SLC25A28: variants seen among roughly 807,000 people sequenced by gnomAD.
The protein encoded by SLC25A28 is solute carrier family 25 member 28.
SLC25A28 carries 10 observed loss-of-function variants against 31.9 expected under a neutral mutation model. The observed-to-expected ratio is 0.31, with a 90% CI of 0.19 to 0.53. SLC25A28 has a LOEUF of 0.53. Ranked by LOEUF, SLC25A28 falls within the 20% of genes least tolerant of loss-of-function variation. The pLI is 0.95. For missense variants in SLC25A28, 256 were observed against 490.3 expected, an observed-to-expected ratio of 0.52 and a Z score of 4.51; for synonymous variants, 208 against 203.6, an observed-to-expected ratio of 1.02 and a Z score of -0.19.
chr10:99,615,982 C>T, intron 1 of SLC25A28: 2 of 985,400 alleles, frequency 2.0e-6, no homozygotes, highest in Non-Finnish European at 2.4e-6. Context: ...ACATCTAAAT[C>T]TAACTCAACA....
chr10:99,618,428 T>C, intron 1 of SLC25A28: 1 of 985,480 alleles, frequency 1.0e-6, no homozygotes, highest in South Asian at 4.7e-5. Context: ...CCCTGCACTC[T>C]ACTCACAGTC....
chr10:99,636,891 C>T, the SLC25A28 span, among the ~76,000 whole-genome samples: 8 of 152,006 alleles, frequency 5.3e-5, no homozygotes, highest in Admixed American at 1.3e-4. Context: ...ATCCTTTTGA[C>T]GCTATTCCAC....
chr10:99,635,899 G>A, the SLC25A28 span, among the ~76,000 whole-genome samples: 1 of 152,202 alleles, frequency 6.6e-6, no homozygotes, highest in African/African-American at 2.4e-5. Context: ...ATGGTAAAAG[G>A]CCTTGTCCAA....
In SLC25A28 at chr10:99,610,871, T is replaced by C; in HGVS notation, c.1073A>G (p.Glu358Gly). The change falls in exon 4 of 4, where the codon GAA becomes GGA. Residue 358 changes from glutamate (E) to glycine (G), a missense_variant. Transcript: ENST00000370495. ...ACTTCACTTGCCAGCCCTCCACTCT[T>C]CTTGCCTTTTAGTGATTAGGTATTT... ...FFKYLITKRQ[E>G]EWRAGK 1 of 1,614,030 alleles carries C rather than the reference T, an allele frequency of 6.2e-7. No individual in the cohort carries two copies.
the SLC25A28 span, among the ~76,000 whole-genome samples, chr10:99,650,926 T>C: frequency 6.6e-6 from 1 of 152,168 alleles, no homozygotes; most frequent in Non-Finnish European, 1.5e-5. Flanking sequence ...TAGGATTCCA[T>C]GTGGATTTCT....
chr10:99,625,166 C>CCTTAAAGGTGGCGTG (rs1554962277), upstream of SLC25A28, among the ~76,000 whole-genome samples: 211 of 148,298 alleles, frequency 1.4e-3, no homozygotes, highest in East Asian at 2.2e-3. Flanking sequence ...GGTGTTATAG[C>CCTTAAAGGTGGCGTG]TCATAAAGAT....
At chr10:99,624,305 A>T (rs2034845461), upstream of SLC25A28, among the ~76,000 whole-genome samples, 1 of 149,994 alleles carries the variant, frequency 6.7e-6, no homozygotes, top group Non-Finnish European at 1.5e-5. Flanking sequence ...ATCTTGCCCA[A>T]AATGGTCTTA....
rs1046900484 is a variant in SLC25A28, at chr10:99,613,344, T to C, written c.520+352A>G. On this transcript the variant is annotated intron_variant, in intron 2 of 3. Coordinates refer to ENST00000370495, the MANE Select transcript of SLC25A28 (RefSeq NM_031212.4). The surrounding 1 kb of genome is among the most constrained non-coding windows in gnomAD (Gnocchi z 4.9). ...TGGCTGGCTGGGTCGCCTCCAATCC[T>C]GCCCTAAGGAGCAGGACACCACCCA... 2.3e-5 allele frequency: 26 copies of C among 1,137,790 alleles called. No homozygotes were observed. The highest frequency in any genetic ancestry group is 2.8e-5 in the Non-Finnish European group (26 of 919,530). The allele number at this position is 1,137,790 out of a possible 1,614,324, so 70.5% of individuals were successfully genotyped here.
chr10:99,611,582 A>T lies in SLC25A28; in HGVS notation c.578-216T>A, dbSNP rs2034525826. Among the ~76,000 whole-genome samples the T allele has an allele frequency of 6.6e-6, 1 of 152,052 alleles. No homozygotes were observed. Reference sequence around the variant, plus strand: ...TAACGAGTCAAAAAACAATAAACCCACTTCCATCAGGACTTCTGTAAAGCC... The same window carrying T: ...TAACGAGTCAAAAAACAATAAACCCTCTTCCATCAGGACTTCTGTAAAGCC... On this transcript the variant is annotated intron_variant, in intron 3 of 3. Transcript: ENST00000370495. This position sits in a 1 kb window ranked among gnomAD's most constrained non-coding sequence, Gnocchi z 5.5.
At chr10:99,627,841 T>C in the SLC25A28 span, among the ~76,000 whole-genome samples, 1 of 150,156 alleles carries the variant, frequency 6.7e-6, no homozygotes, top group Non-Finnish European at 1.5e-5. Flanking sequence ...TTCAATTCTT[T>C]TTTGGACCTA....
the SLC25A28 span, among the ~76,000 whole-genome samples, chr10:99,642,427 C>G: frequency 4.6e-5 from 7 of 152,240 alleles, no homozygotes; most frequent in South Asian, 8.3e-4. Context: ...TGTATCCTGA[C>G]ACTTTGCTGA....
In SLC25A28 at chr10:99,618,988, G is replaced by A. The variant is rs978792029; in HGVS notation, c.291+1057C>T. 13 of 985,412 alleles carry A rather than the reference G, an allele frequency of 1.3e-5. No homozygotes were observed. The Admixed American group carries it at 4.3e-4, about 33-fold the overall frequency. 61.0% of individuals were successfully genotyped at this position (985,412 alleles called of 1,614,324 possible). On this transcript the variant is annotated intron_variant, in intron 1 of 3. Transcript: ENST00000370495. ...ACATGTAAAGGAGGCATCGGTCTTT[G>A]TCATATCAACAGTCCCCTCTAGTTT...
the SLC25A28 span, among the ~76,000 whole-genome samples, chr10:99,634,570 A>C: frequency 6.6e-6 from 1 of 152,226 alleles, no homozygotes; most frequent in Non-Finnish European, 1.5e-5. Context: ...AAGGTCTTTG[A>C]ATTAACCCAA....
chr10:99,641,429 G>A, the SLC25A28 span, among the ~76,000 whole-genome samples: 6 of 151,728 alleles, frequency 4.0e-5, no homozygotes, highest in East Asian at 9.6e-4. Context: ...TTTTTTTCTT[G>A]TAAATTTGTT....
At chr10:99,628,794 C>T in the SLC25A28 span, among the ~76,000 whole-genome samples, 1 of 152,120 alleles carries the variant, frequency 6.6e-6, no homozygotes. Flanking sequence ...GCACTCTAGC[C>T]TGGGCAAAAA....
upstream of SLC25A28, chr10:99,620,587 C>G: frequency 9.9e-7 from 1 of 1,009,692 alleles, no homozygotes; most frequent in East Asian, 1.0e-4. Context: ...CGCCCTGAGG[C>G]GTTGCTAGCG....
Position 99,613,640 on chromosome 10 carries a change from C to A in SLC25A28, c.520+56G>T. On this transcript the variant is annotated intron_variant, in intron 2 of 3. Coordinates refer to ENST00000370495, the MANE Select transcript of SLC25A28 (RefSeq NM_031212.4). This position sits in a 1 kb window ranked among gnomAD's most constrained non-coding sequence, Gnocchi z 4.9. ...TGCTGAGACTGGAAAGCACTGACAGCAGCAAAGCCCAAAGAGTTGGGAAAG... is the reference window on the plus strand; with the variant it reads ...TGCTGAGACTGGAAAGCACTGACAGAAGCAAAGCCCAAAGAGTTGGGAAAG... The A allele has an allele frequency of 1.2e-6, 2 of 1,612,328 alleles. No individual in the cohort carries two copies. Among genetic ancestry groups the A allele is most frequent in the South Asian group, 1.1e-5 (1 of 90,634 alleles).
intron 1 of SLC25A28, among the ~76,000 whole-genome samples, chr10:99,614,914 C>T (rs10159508): frequency 0.89 from 135,749 of 152,202 alleles, 60,648 homozygotes; most frequent in African/African-American, 0.94. Flanking sequence ...CAATAAGCAC[C>T]TCTGATTTGT....
At chr10:99,616,045 T>C (rs1184816914) in intron 1 of SLC25A28, 7 of 985,442 alleles carry the variant, frequency 7.1e-6, no homozygotes, top group Non-Finnish European at 8.4e-6. Context: ...GCATAAGCTA[T>C]GCCAAATATA....
Sources: allele counts gnomAD v4.1 joint callset (sites outside exome capture counted in the v4.1 genomes callset), GRCh38; gene constraint gnomAD v4.1.1; non-coding constraint Gnocchi (gnomAD v3.1); transcripts MANE v1.5; gene names NCBI Gene and HGNC (gene_info 2026-07-23, HGNC 2026-07-21).